RAI14: variants seen among roughly 807,000 people sequenced by gnomAD.
The protein encoded by RAI14 is retinoic acid induced 14.
RAI14 carries 45 observed loss-of-function variants against 115.4 expected under a neutral mutation model. The observed-to-expected ratio is 0.39, with a 90% CI of 0.31 to 0.50. The LOEUF is 0.50. RAI14 is among the 20% of genes least tolerant of loss of function. The pLI is 0.85. For synonymous variants in RAI14, 371 were observed against 415.4 expected (o/e 0.89, Z 1.30); for missense variants, 939 against 1,131.2 (o/e 0.83, Z 2.44).
chr5:34,686,994 T>C, intron 2 of RAI14, 39 bp downstream of exon 2: 1 of 1,611,302 alleles, frequency 6.2e-7, no homozygotes, highest in Non-Finnish European at 8.5e-7. Flanking sequence ...TGTTCCTTCT[T>C]CTCCATGGAG....
chr5:34,733,577 C>T (rs369406048), intron 2 of RAI14, among the ~76,000 whole-genome samples: 1 of 152,286 alleles, frequency 6.6e-6, no homozygotes. Flanking sequence ...TGATTTAAAT[C>T]TCTCTTTCAC....
At chr5:34,739,881 G>A (rs1745291876) in intron 2 of RAI14, among the ~76,000 whole-genome samples, 3 of 152,090 alleles carry the variant, frequency 2.0e-5, no homozygotes, top group African/African-American at 7.2e-5. Context: ...GACCAACATG[G>A]TGAAAGCCCA....
chr5:34,732,845 T>C (rs1744377773), intron 2 of RAI14, among the ~76,000 whole-genome samples: 1 of 150,960 alleles, frequency 6.6e-6, no homozygotes, highest in Admixed American at 6.6e-5. Flanking sequence ...TCTAATAGGA[T>C]TACTTCGAGG....
intron 1 of RAI14, among the ~76,000 whole-genome samples, chr5:34,675,098 T>G (rs919068103): frequency 2.0e-5 from 3 of 152,170 alleles, no homozygotes; most frequent in African/African-American, 7.2e-5. Context: ...GGTTTCACCA[T>G]GTTGGCCAGG....
At chr5:34,784,103 A>G (rs1238100622) in intron 3 of RAI14, among the ~76,000 whole-genome samples, 1 of 152,256 alleles carries the variant, frequency 6.6e-6, no homozygotes, top group Non-Finnish European at 1.5e-5. Context: ...GCGTCGCTGG[A>G]TAATAGCTTT....
chr5:34,792,611 A>T (rs1358528684), intron 3 of RAI14, among the ~76,000 whole-genome samples: 1 of 152,190 alleles, frequency 6.6e-6, no homozygotes, highest in Non-Finnish European at 1.5e-5. Context: ...TGACATCAGA[A>T]CACAACAAAC....
At chr5:34,665,764 C>T (rs1386375004) in intron 1 of RAI14, among the ~76,000 whole-genome samples, 2 of 152,170 alleles carry the variant, frequency 1.3e-5, no homozygotes, top group South Asian at 2.1e-4. Flanking sequence ...ATGACCACCT[C>T]TCAAAGTTTG....
At position 34,808,606 on chromosome 5, in the gene RAI14, T is replaced by G. The variant is rs1389040323; in HGVS notation, c.402T>G (p.Ala134=). The G allele has an allele frequency of 6.2e-7, 1 of 1,614,240 alleles. No individual in the cohort carries two copies. Among genetic ancestry groups the G allele is most frequent in the Admixed American group, 1.7e-5 (1 of 60,024 alleles). Residue 134 remains alanine, a synonymous_variant, in exon 7 of 18, where the codon GCT becomes GCG. Coordinates refer to ENST00000265109, the MANE Select transcript of RAI14 (RefSeq NM_015577.3). ...HYAAAQGCLQ[A]VQILCEHKSP... is the part of the protein sequence containing the mutation. ...CAGCGGCTCAGGGCTGCCTTCAAGC[T>G]GTGCAGATTCTCTGCGAACACAAGA...
chr5:34,764,549 C>T (rs1399641022), intron 3 of RAI14, among the ~76,000 whole-genome samples: 6,026 of 149,654 alleles, frequency 0.04, 241 homozygotes, highest in African/African-American at 0.1. Flanking sequence ...CTCTCTCTCT[C>T]TCTCTCTCTC....
chr5:34,763,497 T>G (rs1417922849), intron 3 of RAI14, among the ~76,000 whole-genome samples: 1 of 152,212 alleles, frequency 6.6e-6, no homozygotes, highest in East Asian at 1.9e-4. Context: ...AATGTTGTGT[T>G]TCATTAATCT....
At chr5:34,789,402 T>C (rs1752675129) in intron 3 of RAI14, among the ~76,000 whole-genome samples, 1 of 152,234 alleles carries the variant, frequency 6.6e-6, no homozygotes, top group Non-Finnish European at 1.5e-5. Context: ...CGAGGCTAAA[T>C]GTTAATGGCT....
chr5:34,762,919 G>A (rs905390960), intron 3 of RAI14, among the ~76,000 whole-genome samples: 1 of 145,576 alleles, frequency 6.9e-6, no homozygotes, highest in African/African-American at 2.6e-5. Context: ...TAGATATAAG[G>A]AGTGTGTGCA....
chr5:34,717,965 A>C lies in RAI14; in HGVS notation c.36+31010A>C, dbSNP rs543101490. Among the ~76,000 whole-genome samples the C allele has an allele frequency of 6.0e-5, 8 of 133,182 alleles. No individual in the cohort carries two copies. The East Asian group carries it at 1.8e-3, about 30-fold the overall frequency. The allele number at this position is 133,182 out of a possible 152,430, so 87.4% of individuals were successfully genotyped here. On this transcript the variant is annotated intron_variant, in intron 2 of 17. Transcript: ENST00000265109. ...AAGCTTCTTTTTCAGAGGGAAGCAG[A>C]ATGTTTACTCAGTAGGACATCCTAA...
rs938773241 is a variant in RAI14 at position 34,808,151 on chromosome 5, A to G, written c.379+294A>G. Among the ~76,000 whole-genome samples the G allele has an allele frequency of 2.6e-5, 4 of 152,244 alleles. No homozygotes were observed. The South Asian group carries it at 8.3e-4, about 31-fold the overall frequency. On this transcript the variant is annotated intron_variant, in intron 6 of 17. Transcript: ENST00000265109. The stretch of plus-strand genomic sequence containing the variant: ...GATATTCTAAGCATTTGTAGATTTC[A>G]GGTAATGTGTGATACAGACTTTTTG...
In RAI14 at chr5:34,798,536, T is replaced by C. The variant is rs541889190; in HGVS notation, c.256+2509T>C. Among the ~76,000 whole-genome samples, 42 of 152,326 alleles carry C rather than the reference T, an allele frequency of 2.8e-4. 2 individuals are homozygous for C. In the South Asian group the frequency reaches 8.3e-3, roughly 30 times the overall value. ...AGATCACATTATATAATAAATTCTATATCCTGCATTTTAATTTATTAAATA... is the reference window on the plus strand; with the variant it reads ...AGATCACATTATATAATAAATTCTACATCCTGCATTTTAATTTATTAAATA... On this transcript the variant is annotated intron_variant, in intron 4 of 17. Coordinates refer to ENST00000265109, the MANE Select transcript of RAI14 (RefSeq NM_015577.3).
At position 34,814,642 on chromosome 5, in the gene RAI14, G is replaced by A. The variant is rs1203920768; in HGVS notation, c.912G>A (p.Ser304=). ...CGACTCCACTATCGGGAAAGGAATCGGTATTTTTTGCTGAACCACCCTTCA... is the reference window on the plus strand; with the variant it reads ...CGACTCCACTATCGGGAAAGGAATCAGTATTTTTTGCTGAACCACCCTTCA... ...ITSTPLSGKE[S]VFFAEPPFKA... Residue 304 remains serine (S), a synonymous_variant, in exon 12 of 18, where the codon TCG becomes TCA. Coordinates refer to ENST00000265109, the MANE Select transcript of RAI14 (RefSeq NM_015577.3). 36 of 1,613,102 alleles carry A rather than the reference G, an allele frequency of 2.2e-5. No individual in the cohort carries two copies. The highest frequency in any genetic ancestry group is 2.7e-5 in the Non-Finnish European group (32 of 1,179,274).
At chr5:34,742,566 A>C (rs1745642825) in intron 2 of RAI14, among the ~76,000 whole-genome samples, 1 of 152,168 alleles carries the variant, frequency 6.6e-6, no homozygotes, top group Non-Finnish European at 1.5e-5. Flanking sequence ...AATGTGAAAA[A>C]CATAGAGAGG....
chr5:34,731,737 A>T lies in RAI14; in HGVS notation c.37-25731A>T, dbSNP rs1353026779. 5.9e-5 allele frequency among the ~76,000 whole-genome samples: 9 copies of T among 152,246 alleles called. No individual in the cohort carries two copies. The South Asian group carries it at 1.4e-3, about 24-fold the overall frequency. On this transcript the variant is annotated intron_variant, in intron 2 of 17. Transcript: ENST00000265109. ...ATAGTTAATTTGCTGCTACTGTGAT[A>T]AACTTTCTTTGTAAACATTGTCATC...
At chr5:34,789,211 G>A (rs1418308749) in intron 3 of RAI14, among the ~76,000 whole-genome samples, 8 of 152,102 alleles carry the variant, frequency 5.3e-5, no homozygotes, top group East Asian at 3.9e-4. Context: ...TAGATAGAGC[G>A]GCCCCAGCCC....
Sources: gnomAD v4.1 joint callset for allele counts (sites outside exome capture counted in the v4.1 genomes callset) on GRCh38, gnomAD v4.1.1 for gene constraint, MANE v1.5 for transcripts, NCBI Gene and HGNC (gene_info 2026-07-23, HGNC 2026-07-21) for gene names.